The following HMCN1 variants were observed in gnomAD, a reference collection of about 807,000 sequenced individuals.
The protein encoded by HMCN1 is hemicentin 1.
HMCN1 carries 321 observed loss-of-function variants against 625.9 expected under a neutral mutation model. The ratio of observed to expected loss-of-function variants is 0.51; its 90% CI spans 0.47 to 0.56. The LOEUF (loss-of-function observed/expected upper bound fraction) is 0.56, where lower values mean the gene tolerates loss of function less well. Ranked by LOEUF, HMCN1 falls within the 20% of genes least tolerant of loss-of-function variation. The probability of loss-of-function intolerance (pLI) is 0.00; values close to 1 mark genes in which losing one functional copy is unlikely to be tolerated. For missense variants in HMCN1, 6,588 were observed against 6,887.3 expected, an observed-to-expected ratio of 0.96 and a Z score of 1.54; for synonymous variants, 2,425 against 2,417.6, an observed-to-expected ratio of 1.00 and a Z score of -0.09.
chr1:186,080,931 T>C (rs903778723), intron 55 of HMCN1, among the ~76,000 whole-genome samples: 1 of 152,116 alleles, frequency 6.6e-6, no homozygotes, highest in African/African-American at 2.4e-5. Context: ...AAAAGATATA[T>C]TGGAGAAGAA....
intron 19 of HMCN1, among the ~76,000 whole-genome samples, chr1:185,986,321 C>T (rs1214277441): frequency 6.6e-6 from 1 of 152,054 alleles, no homozygotes; most frequent in Non-Finnish European, 1.5e-5. Context: ...TTATGATAAT[C>T]CTTGAAAAAT....
intron 93 of HMCN1, among the ~76,000 whole-genome samples, chr1:186,150,159 G>T (rs1650579109): frequency 6.6e-6 from 1 of 152,106 alleles, no homozygotes; most frequent in African/African-American, 2.4e-5. Context: ...TCTGCAAAGA[G>T]CAACAAAGCA....
intron 101 of HMCN1, among the ~76,000 whole-genome samples, chr1:186,171,665 T>C (rs1442918366): frequency 6.6e-6 from 1 of 152,132 alleles, no homozygotes; most frequent in Non-Finnish European, 1.5e-5. Context: ...ACATTTCCTC[T>C]AATATTTTTG....
intron 74 of HMCN1, 34 bp from the exon 75 acceptor site, chr1:186,115,224 T>G (rs1466061327): frequency 1.2e-6 from 2 of 1,612,552 alleles, no homozygotes; most frequent in Non-Finnish European, 1.7e-6. Flanking sequence ...ATTTGCTGAC[T>G]GTGTTTCCTT....
intron 11 of HMCN1, among the ~76,000 whole-genome samples, chr1:185,938,229 GA>G (rs1667915531): frequency 6.6e-6 from 1 of 152,090 alleles, no homozygotes; most frequent in South Asian, 2.1e-4. Flanking sequence ...CTGTTCTAGG[GA>G]GAAAAAGTTG....
At chr1:186,116,336 A>G (rs1431585665) in intron 75 of HMCN1, among the ~76,000 whole-genome samples, 1 of 152,080 alleles carries the variant, frequency 6.6e-6, no homozygotes, top group Non-Finnish European at 1.5e-5. Flanking sequence ...ATGTATGTGT[A>G]TTTACTAAAC....
chr1:186,118,422 A>G (rs1200810520), intron 77 of HMCN1, among the ~76,000 whole-genome samples: 5 of 152,322 alleles, frequency 3.3e-5, no homozygotes, highest in Non-Finnish European at 7.3e-5. Context: ...GAAATCATAA[A>G]AGATTTTAAA....
rs141818688 is a variant in HMCN1, at chr1:186,108,590, G to T, written c.10982G>T (p.Arg3661Leu). 5.0e-6 allele frequency: 8 copies of T among 1,613,860 alleles called. No homozygotes were observed. In the South Asian group the frequency reaches 8.8e-5, roughly 18 times the overall value. Residue 3661 changes from arginine to leucine, a missense_variant, in exon 71 of 107, where the codon CGG becomes CTG. By Grantham distance (102) the Arg-to-Leu change is moderately radical (BLOSUM62 -2). Transcript: ENST00000271588. ...ATTACTTGGCTCAGAAATGGAGAAC[G>T]GTTACAGGTAAATTTTTTGATAAGC... is the stretch of plus-strand genomic sequence containing the variant. ...PVITWLRNGE[R>L]LQATPRVRIL...
intron 1 of HMCN1, among the ~76,000 whole-genome samples, chr1:185,811,338 G>C (rs1333948665): frequency 1.3e-5 from 2 of 151,904 alleles, no homozygotes; most frequent in Non-Finnish European, 2.9e-5. Context: ...GATATGTACT[G>C]TTCTCCACAT....
intron 1 of HMCN1, 42 bp downstream of exon 1, chr1:185,735,089 A>T: frequency 6.3e-7 from 1 of 1,582,456 alleles, no homozygotes; most frequent in Non-Finnish European, 8.7e-7. Context: ...ATGTCTCATG[A>T]TTACATTATT....
Position 186,093,216 on chromosome 1 carries a change from C to A in HMCN1, c.9970C>A (p.Pro3324Thr), listed in dbSNP as rs752518224. Residue 3324 changes from proline (P) to threonine (T), a missense_variant, in exon 65 of 107, where the codon CCC (proline) becomes ACC (threonine). By Grantham distance (38) the Pro-to-Thr change is conservative. Coordinates refer to ENST00000271588, the MANE Select transcript of HMCN1 (RefSeq NM_031935.3). Reference protein sequence around the residue: ...TGKYTCVATNPAGEEDRIFNL... With the variant: ...TGKYTCVATNTAGEEDRIFNL... ...GAAATACACATGTGTTGCTACTAATCCCGCTGGAGAAGAAGACCGAATTTT... is the reference window on the plus strand; with the variant it reads ...GAAATACACATGTGTTGCTACTAATACCGCTGGAGAAGAAGACCGAATTTT... The A allele has an allele frequency of 6.2e-7, 1 of 1,613,284 alleles. No individual in the cohort carries two copies. Among genetic ancestry groups the A allele is most frequent in the South Asian group, 1.1e-5 (1 of 91,074 alleles).
rs755277769 is a variant in HMCN1, at chr1:186,144,662, G to A, written c.14225G>A (p.Ser4742Asn). ...PQYGGRKCEG[S>N]DVQSDFCNSD... is the part of the protein sequence containing the mutation. Reference sequence around the variant, plus strand: ...TATGGAGGAAGGAAATGCGAAGGGAGTGATGTCCAGAGTGATTTTTGCAAC... The same window carrying A: ...TATGGAGGAAGGAAATGCGAAGGGAATGATGTCCAGAGTGATTTTTGCAAC... Residue 4742 changes from serine to asparagine, a missense_variant, in exon 91 of 107, where the codon AGT becomes AAT. Coordinates refer to ENST00000271588, the MANE Select transcript of HMCN1 (RefSeq NM_031935.3). The A allele has an allele frequency of 1.6e-5, 26 of 1,614,026 alleles. No individual in the cohort carries two copies. The highest frequency in any genetic ancestry group is 2.5e-6 in the Non-Finnish European group (3 of 1,180,010).
At chr1:185,866,790 T>C (rs906094237) in intron 4 of HMCN1, among the ~76,000 whole-genome samples, 1 of 152,154 alleles carries the variant, frequency 6.6e-6, no homozygotes, top group African/African-American at 2.4e-5. Flanking sequence ...TGTATTTGAC[T>C]CTCATTTAAG....
chr1:185,942,556 A>G (rs1668137659), intron 11 of HMCN1, among the ~76,000 whole-genome samples: 1 of 152,224 alleles, frequency 6.6e-6, no homozygotes, highest in Non-Finnish European at 1.5e-5. Flanking sequence ...GGGAGTTCAT[A>G]TCATACTTAA....
chr1:186,090,233 A>G (rs575902335), intron 63 of HMCN1, among the ~76,000 whole-genome samples: 45 of 152,088 alleles, frequency 3.0e-4, no homozygotes, highest in African/African-American at 1.1e-3. Flanking sequence ...GAGAATAGAA[A>G]CTATTGGCTC....
intron 4 of HMCN1, among the ~76,000 whole-genome samples, chr1:185,891,950 A>G (rs1273332309): frequency 1.3e-5 from 2 of 149,980 alleles, no homozygotes; most frequent in East Asian, 1.9e-4. Context: ...AGGTACACCA[A>G]TCAGATGTAG....
intron 50 of HMCN1, among the ~76,000 whole-genome samples, chr1:186,068,220 A>T (rs1482250280): frequency 6.6e-6 from 1 of 152,162 alleles, no homozygotes; most frequent in African/African-American, 2.4e-5. Flanking sequence ...TACTTTTTAA[A>T]AGATCAGAAG....
chr1:185,780,300 C>T (rs1189658065), intron 1 of HMCN1, among the ~76,000 whole-genome samples: 1 of 152,146 alleles, frequency 6.6e-6, no homozygotes, highest in Non-Finnish European at 1.5e-5. Flanking sequence ...CAAACAGGGA[C>T]AATTTGACTT....
At chr1:185,787,703 A>G (rs959273550) in intron 1 of HMCN1, among the ~76,000 whole-genome samples, 3 of 152,248 alleles carry the variant, frequency 2.0e-5, no homozygotes, top group Admixed American at 1.3e-4. Context: ...ATCTCAGGGT[A>G]TAAAGAGCAA....
Sources: gnomAD v4.1 joint callset for allele counts (sites outside exome capture counted in the v4.1 genomes callset) on GRCh38, gnomAD v4.1.1 for gene constraint, MANE v1.5 for transcripts, NCBI Gene and HGNC (gene_info 2026-07-23, HGNC 2026-07-21) for gene names.